GLIS3: variants seen among roughly 807,000 people sequenced by gnomAD.
GLIS3 encodes GLIS family zinc finger 3.
A neutral mutation model predicts 78.6 loss-of-function variants in GLIS3; 53 were observed. The observed-to-expected ratio is 0.67, with a 90% CI of 0.54 to 0.85. The LOEUF (loss-of-function observed/expected upper bound fraction) is 0.85. Among genes scored for constraint, GLIS3 ranks in the 40% least tolerant of loss-of-function variants. GLIS3 has a pLI of 0.00. For synonymous variants in GLIS3, 684 were observed against 509.9 expected, an observed-to-expected ratio of 1.34 and a Z score of -4.60; for missense variants, 1,703 against 1,231.1, an observed-to-expected ratio of 1.38 and a Z score of -5.74.
chr9:4,187,223 G>GT (rs1261191232), intron 2 of GLIS3, among the ~76,000 whole-genome samples: 1 of 152,170 alleles, frequency 6.6e-6, no homozygotes, highest in Non-Finnish European at 1.5e-5. Flanking sequence ...TGGCTGGCCA[G>GT]TTTTCCCAAA....
At chr9:4,391,169 G>A in the GLIS3 span, among the ~76,000 whole-genome samples, 2 of 152,128 alleles carry the variant, frequency 1.3e-5, no homozygotes, top group African/African-American at 4.8e-5. Flanking sequence ...TTACCTGGAG[G>A]TCAGTGAGGC....
chr9:4,065,112 C>T (rs1588583167), intron 4 of GLIS3, among the ~76,000 whole-genome samples: 1 of 152,244 alleles, frequency 6.6e-6, no homozygotes, highest in East Asian at 1.9e-4. Flanking sequence ...GCTATTTTTT[C>T]TTCTGTCGGC....
intron 4 of GLIS3, among the ~76,000 whole-genome samples, chr9:3,978,736 ATTATC>A (rs1384396245): frequency 3.3e-5 from 5 of 152,112 alleles, no homozygotes; most frequent in Non-Finnish European, 5.9e-5. Context: ...ATTCGAATAA[ATTATC>A]TTAGGATAAA....
intron 2 of GLIS3, among the ~76,000 whole-genome samples, chr9:4,149,188 G>C (rs796802098): frequency 9.9e-5 from 15 of 152,268 alleles, no homozygotes; most frequent in African/African-American, 3.1e-4. Flanking sequence ...GAAAGTTAAA[G>C]TAAGCTTAAT....
chr9:4,342,588 T>G (rs1286072090), intron 2 of GLIS3, among the ~76,000 whole-genome samples: 4 of 152,226 alleles, frequency 2.6e-5, no homozygotes, highest in African/African-American at 9.7e-5. Context: ...GCTGTTTTTT[T>G]GGTTCCATAT....
intron 2 of GLIS3, chr9:4,152,297 G>A (rs1039304869): frequency 3.1e-5 from 5 of 160,624 alleles, no homozygotes; most frequent in Non-Finnish European, 6.6e-5. Context: ...GGGTTGCCAG[G>A]ATATTGCAGA....
chr9:3,975,908 G>A (rs972648196), intron 4 of GLIS3, among the ~76,000 whole-genome samples: 5 of 152,032 alleles, frequency 3.3e-5, no homozygotes, highest in African/African-American at 7.2e-5. Context: ...AAACTGCTAA[G>A]GTAAATCAGT....
the GLIS3 span, among the ~76,000 whole-genome samples, chr9:4,411,899 T>C: frequency 6.6e-6 from 1 of 152,260 alleles, no homozygotes; most frequent in Non-Finnish European, 1.5e-5. Flanking sequence ...AAAAATACCA[T>C]TTAACATTTT....
rs368690761 is a variant in GLIS3, at chr9:4,159,993, G to T, written c.389-34052C>A. ...ATGTTAGTATTAATATCATCATTGT[G>T]ATCATCATCACCATTATTATCTCTT... On this transcript the variant is annotated intron_variant, in intron 2 of 10. Coordinates refer to ENST00000381971, the MANE Select transcript of GLIS3 (RefSeq NM_001042413.2). Among the ~76,000 whole-genome samples, 18 of 152,264 alleles carry T rather than the reference G, an allele frequency of 1.2e-4. No individual in the cohort carries two copies. The East Asian group carries it at 2.1e-3, about 18-fold the overall frequency.
chr9:3,937,296 T>C (rs1485103420), intron 4 of GLIS3, 107 bp from the exon 5 acceptor site: 7 of 1,078,456 alleles, frequency 6.5e-6, no homozygotes, highest in African/African-American at 1.6e-5. Context: ...CCGAAAATGA[T>C]AAAATAAAAT....
chr9:4,470,687 C>T, the GLIS3 span, among the ~76,000 whole-genome samples: 3 of 151,882 alleles, frequency 2.0e-5, no homozygotes, highest in African/African-American at 4.8e-5. Context: ...CCTTTGAAAA[C>T]TGGCACAAGA....
rs549331312 is a variant in GLIS3, at chr9:4,012,409, C to CT, written c.1711-75221dup. ...ATTCTTTTCGGTGATGGTTATATGT[C>CT]TTTTTTTACCTGTATCAGGGGAAAA... On this transcript the variant is annotated intron_variant, in intron 4 of 10. Coordinates refer to ENST00000381971, the MANE Select transcript of GLIS3 (RefSeq NM_001042413.2). Among the ~76,000 whole-genome samples the CT allele has an allele frequency of 1.9e-4, 29 of 152,150 alleles. 1 individual carries two copies. The South Asian group carries it at 4.6e-3, about 24-fold the overall frequency.
chr9:4,371,021 G>C, the GLIS3 span, among the ~76,000 whole-genome samples: 1 of 152,172 alleles, frequency 6.6e-6, no homozygotes, highest in Non-Finnish European at 1.5e-5. Context: ...ACAGTGACCT[G>C]GGTTGGGTAG....
intron 2 of GLIS3, among the ~76,000 whole-genome samples, chr9:4,231,171 AGAGT>A (rs1294837577): frequency 6.6e-6 from 1 of 152,246 alleles, no homozygotes; most frequent in Admixed American, 6.5e-5. Context: ...ATTAAAAAGC[AGAGT>A]AAGAACAGGT....
intron 2 of GLIS3, among the ~76,000 whole-genome samples, chr9:4,131,449 T>C (rs939884713): frequency 2.0e-5 from 3 of 152,142 alleles, no homozygotes; most frequent in African/African-American, 7.2e-5. Context: ...TGGGAGGTGA[T>C]TGGATCAGTG....
At chr9:4,213,473 A>G (rs1418178394) in intron 2 of GLIS3, among the ~76,000 whole-genome samples, 1 of 152,256 alleles carries the variant, frequency 6.6e-6, no homozygotes, top group Non-Finnish European at 1.5e-5. Flanking sequence ...GATGATGGAA[A>G]TGTTCTACAT....
the GLIS3 span, among the ~76,000 whole-genome samples, chr9:4,410,098 A>G: frequency 6.6e-6 from 1 of 150,962 alleles, no homozygotes; most frequent in Admixed American, 6.6e-5. Flanking sequence ...AGCCTCCTAA[A>G]TTGCTGGGAT....
intron 4 of GLIS3, among the ~76,000 whole-genome samples, chr9:4,030,818 CT>C (rs1324035883): frequency 6.6e-6 from 1 of 152,190 alleles, no homozygotes; most frequent in Non-Finnish European, 1.5e-5. Flanking sequence ...GACTTATCTG[CT>C]TTTCAAATAT....
At chr9:3,860,808 G>C (rs10973868) in intron 8 of GLIS3, among the ~76,000 whole-genome samples, 1 of 152,050 alleles carries the variant, frequency 6.6e-6, no homozygotes, top group Non-Finnish European at 1.5e-5. Context: ...TTCATTCAAG[G>C]GGTCTTTGTT....
Sources: gnomAD v4.1 joint callset for allele counts (sites outside exome capture counted in the v4.1 genomes callset) on GRCh38, gnomAD v4.1.1 for gene constraint, MANE v1.5 for transcripts, NCBI Gene and HGNC (gene_info 2026-07-23, HGNC 2026-07-21) for gene names.